The following CAMK1D variants were observed in gnomAD, a reference collection of about 807,000 sequenced individuals.
CAMK1D encodes calcium/calmodulin-dependent protein kinase type 1D.
CAMK1D carries 9 observed loss-of-function variants against 47.7 expected under a neutral mutation model. The ratio of observed to expected loss-of-function variants is 0.19; its 90% confidence interval spans 0.11 to 0.33. The LOEUF (loss-of-function observed/expected upper bound fraction) is 0.33. Ranked by LOEUF, CAMK1D falls within the 10% of genes least tolerant of loss-of-function variation. The probability of loss-of-function intolerance (pLI) is 1.00; values close to 1 mark genes in which losing one functional copy is unlikely to be tolerated. For missense variants in CAMK1D, 291 were observed against 488.7 expected (o/e 0.60, Z 3.81); for synonymous variants, 184 against 184.9 (o/e 0.99, Z 0.04).
intron 1 of CAMK1D, among the ~76,000 whole-genome samples, chr10:12,361,248 GT>G (rs55700646): frequency 0.7 from 83,925 of 119,954 alleles, 29,118 homozygotes; most frequent in Non-Finnish European, 0.79. Context: ...CTATTTGACT[GT>G]TTTTTTTTTT....
At chr10:12,525,372 A>G (rs1311995461) in intron 1 of CAMK1D, among the ~76,000 whole-genome samples, 1 of 152,120 alleles carries the variant, frequency 6.6e-6, no homozygotes, top group Non-Finnish European at 1.5e-5. Flanking sequence ...AGTGACATGA[A>G]TATTAGATCT....
chr10:12,688,120 G>A (rs934438835), intron 3 of CAMK1D, among the ~76,000 whole-genome samples: 2 of 152,220 alleles, frequency 1.3e-5, no homozygotes, highest in Non-Finnish European at 2.9e-5. Context: ...AGTATTTCAT[G>A]TTCTGATTTG....
chr10:12,777,188 G>T (rs1262533056), intron 5 of CAMK1D, among the ~76,000 whole-genome samples: 1 of 152,040 alleles, frequency 6.6e-6, no homozygotes, highest in East Asian at 1.9e-4. Flanking sequence ...AGGTCAGGGG[G>T]ACAAGCTGGA....
chr10:12,770,583 G>A (rs1454707957), intron 5 of CAMK1D, among the ~76,000 whole-genome samples: 5 of 152,236 alleles, frequency 3.3e-5, no homozygotes, highest in Non-Finnish European at 7.3e-5. Flanking sequence ...CACGGTGCCT[G>A]CCCTCATGGA....
At chr10:12,595,602 G>C (rs149167074) in intron 2 of CAMK1D, among the ~76,000 whole-genome samples, 2 of 151,782 alleles carry the variant, frequency 1.3e-5, no homozygotes, top group Non-Finnish European at 2.9e-5. Flanking sequence ...CAAGTCCAAC[G>C]TGCGTGCTCT....
At chr10:12,706,413 A>G (rs1317201682) in intron 3 of CAMK1D, among the ~76,000 whole-genome samples, 3 of 149,714 alleles carry the variant, frequency 2.0e-5, no homozygotes, top group Non-Finnish European at 4.5e-5. Context: ...GTGTAGATGG[A>G]GATAGAATGT....
intron 1 of CAMK1D, among the ~76,000 whole-genome samples, chr10:12,448,566 C>T (rs1468478417): frequency 2.0e-5 from 3 of 152,098 alleles, no homozygotes; most frequent in Non-Finnish European, 4.4e-5. Context: ...AGAGATACTA[C>T]GGACTTCTTG....
intron 8 of CAMK1D, among the ~76,000 whole-genome samples, chr10:12,823,175 T>C (rs1181315135): frequency 6.6e-6 from 1 of 152,124 alleles, no homozygotes; most frequent in African/African-American, 2.4e-5. Flanking sequence ...TAGTTGGAAG[T>C]GATGGTTGCC....
intron 1 of CAMK1D, among the ~76,000 whole-genome samples, chr10:12,483,106 T>A (rs1340652249): frequency 1.3e-5 from 2 of 152,236 alleles, no homozygotes; most frequent in Non-Finnish European, 2.9e-5. Flanking sequence ...CATTGCTGTC[T>A]GGGTGGACCT....
At chr10:12,758,542 TCTGCAAC>T (rs749237820) in intron 3 of CAMK1D, among the ~76,000 whole-genome samples, 6 of 152,238 alleles carry the variant, frequency 3.9e-5, no homozygotes, top group African/African-American at 7.2e-5. Context: ...GCATTGAGAC[TCTGCAAC>T]AGTACATGCT....
intron 2 of CAMK1D, among the ~76,000 whole-genome samples, chr10:12,588,499 C>T (rs112431185): frequency 2.6e-5 from 4 of 152,126 alleles, no homozygotes; most frequent in African/African-American, 7.2e-5. Flanking sequence ...AATATTGAGT[C>T]GGTACTTGGG....
intron 3 of CAMK1D, among the ~76,000 whole-genome samples, chr10:12,719,546 C>T (rs183894972): frequency 4.6e-5 from 7 of 152,234 alleles, no homozygotes; most frequent in African/African-American, 1.7e-4. Context: ...AGGGGTGAGG[C>T]AGGAAGGAGT....
chr10:12,552,419 A>G (rs1203732566), intron 1 of CAMK1D, among the ~76,000 whole-genome samples: 1 of 152,158 alleles, frequency 6.6e-6, no homozygotes, highest in Non-Finnish European at 1.5e-5. Flanking sequence ...ACCCAGTCCT[A>G]TCCTTACCCA....
intron 1 of CAMK1D, among the ~76,000 whole-genome samples, chr10:12,421,147 C>T (rs926468605): frequency 4.6e-5 from 7 of 152,110 alleles, no homozygotes; most frequent in East Asian, 1.9e-4. Context: ...TAAGACTAGG[C>T]GGGTGTAAGC....
intron 1 of CAMK1D, among the ~76,000 whole-genome samples, chr10:12,367,600 G>A (rs1837874044): frequency 6.6e-6 from 1 of 152,060 alleles, no homozygotes; most frequent in African/African-American, 2.4e-5. Flanking sequence ...CCACCTGGGG[G>A]TGATGGGAGA....
chr10:12,392,907 A>C (rs548065297), intron 1 of CAMK1D, among the ~76,000 whole-genome samples: 14 of 130,354 alleles, frequency 1.1e-4, no homozygotes. Flanking sequence ...TTTTCTTCCA[A>C]ATTTTCCTAG....
chr10:12,560,459 A>G (rs1327646238), intron 2 of CAMK1D, among the ~76,000 whole-genome samples: 1 of 151,278 alleles, frequency 6.6e-6, no homozygotes, highest in Non-Finnish European at 1.5e-5. Flanking sequence ...AGCCTGAGAC[A>G]GGAGAATTGC....
intron 1 of CAMK1D, among the ~76,000 whole-genome samples, chr10:12,480,491 A>G (rs1453352961): frequency 6.6e-6 from 1 of 152,202 alleles, no homozygotes; most frequent in African/African-American, 2.4e-5. Context: ...AAAATCCTAT[A>G]GAGCCATTAT....
chr10:12,521,423 A>G (rs1835412354), intron 1 of CAMK1D, among the ~76,000 whole-genome samples: 1 of 152,176 alleles, frequency 6.6e-6, no homozygotes, highest in African/African-American at 2.4e-5. Flanking sequence ...ATAATCTGAT[A>G]TTGATTTCTG....
Sources: allele counts gnomAD v4.1 joint callset (sites outside exome capture counted in the v4.1 genomes callset), GRCh38; gene constraint gnomAD v4.1.1; transcripts MANE v1.5; gene names NCBI Gene and HGNC (gene_info 2026-07-23, HGNC 2026-07-21).